The following MSL2 variants were observed in gnomAD, a reference collection of about 807,000 sequenced individuals.
The protein encoded by MSL2 is MSL complex subunit 2, also known as E3 ubiquitin-protein ligase MSL2.
In MSL2, 2 loss-of-function variants were observed where a neutral mutation model predicts 35.8. The ratio of observed to expected loss-of-function variants is 0.06; its 90% CI spans 0.02 to 0.18. The LOEUF (loss-of-function observed/expected upper bound fraction) is 0.18, where lower values mean the gene tolerates loss of function less well. MSL2 is among the 10% of genes least tolerant of loss of function. MSL2 has a pLI of 1.00. For missense variants in MSL2, 523 were observed against 706.7 expected, an observed-to-expected ratio of 0.74 and a Z score of 2.95; for synonymous variants, 296 against 255.7, an observed-to-expected ratio of 1.16 and a Z score of -1.50.
chr3:136,190,165 A>G (rs1940645069), intron 1 of MSL2, among the ~76,000 whole-genome samples: 1 of 152,220 alleles, frequency 6.6e-6, no homozygotes, highest in African/African-American at 2.4e-5. Flanking sequence ...TTGGCCAATA[A>G]TTGTTGGTTT....
chr3:136,161,394 T>C (rs1025331199), intron 1 of MSL2, among the ~76,000 whole-genome samples: 19 of 152,070 alleles, frequency 1.2e-4, no homozygotes, highest in Non-Finnish European at 2.6e-4. Context: ...TAAAAACATA[T>C]CCACACAGAA....
intron 1 of MSL2, among the ~76,000 whole-genome samples, chr3:136,159,060 C>A (rs1461961138): frequency 1.3e-5 from 2 of 152,114 alleles, no homozygotes; most frequent in African/African-American, 4.8e-5. Context: ...ATCTTTAATC[C>A]CAGGCAGCTT....
intron 1 of MSL2, among the ~76,000 whole-genome samples, chr3:136,180,562 C>T (rs1315844897): frequency 2.7e-5 from 4 of 150,774 alleles, no homozygotes; most frequent in East Asian, 2.0e-4. Context: ...TAGCCGGGCA[C>T]GGAGGCTGGC....
intron 1 of MSL2, among the ~76,000 whole-genome samples, chr3:136,181,305 G>A (rs1940354478): frequency 6.6e-6 from 1 of 152,036 alleles, no homozygotes; most frequent in South Asian, 2.1e-4. Context: ...TTGAAACAAT[G>A]AGTAAGAGTT....
intron 1 of MSL2, among the ~76,000 whole-genome samples, chr3:136,173,095 A>T (rs1053328920): frequency 1.2e-4 from 18 of 152,224 alleles, no homozygotes; most frequent in Non-Finnish European, 2.5e-4. Context: ...CCCAGAAAGC[A>T]GAGGTTGCAG....
rs1388515620 is a variant in MSL2 at position 136,154,502 on chromosome 3, A to AGCGTACC, written c.143-1765_143-1764insGGTACGC. On this transcript the variant is annotated intron_variant, in intron 1 of 1. Coordinates refer to ENST00000309993, the MANE Select transcript of MSL2 (RefSeq NM_018133.4). ...AGACAAATGGTCAGCAATTACCCAA[A>AGCGTACC]GCGGTACCTCTTCTCATAAATCACA... Among the ~76,000 whole-genome samples, 175 of 152,328 alleles carry AGCGTACC rather than the reference A, an allele frequency of 1.1e-3. 1 individual carries two copies. Among genetic ancestry groups the AGCGTACC allele is most frequent in the African/African-American group, 4.0e-3 (166 of 41,568 alleles).
chr3:136,188,542 G>A (rs1036618314), intron 1 of MSL2, among the ~76,000 whole-genome samples: 2 of 151,966 alleles, frequency 1.3e-5, no homozygotes. Context: ...CTCAGGCCAG[G>A]AATTCAAGAC....
At position 136,187,414 on chromosome 3, in the gene MSL2, G is replaced by C. The variant is rs112894766; in HGVS notation, c.142+7558C>G. Among the ~76,000 whole-genome samples the C allele has an allele frequency of 8.1e-3, 1,224 of 151,976 alleles. 25 individuals are homozygous for C. Among genetic ancestry groups the C allele is most frequent in the African/African-American group, 0.027 (1,110 of 41,420 alleles). ...GCAGTGGCTCACGCCTGTAATCCTA[G>C]CACTTTGGGAGGTCGAGGTGGGAGG... is the stretch of plus-strand genomic sequence containing the variant. On this transcript the variant is annotated intron_variant, in intron 1 of 1. Coordinates refer to ENST00000309993, the MANE Select transcript of MSL2 (RefSeq NM_018133.4).
rs144888189 is a variant in MSL2, at chr3:136,193,142, T to C, written c.142+1830A>G. On this transcript the variant is annotated intron_variant, in intron 1 of 1. Transcript: ENST00000309993. Reference sequence around the variant, plus strand: ...AAATAAAAAAGGCTCCAGTTGGACTTTTAAATGTAGTGGGTTTTTTTTATC... The same window carrying C: ...AAATAAAAAAGGCTCCAGTTGGACTCTTAAATGTAGTGGGTTTTTTTTATC... Among the ~76,000 whole-genome samples, 943 of 152,322 alleles carry C rather than the reference T, an allele frequency of 6.2e-3. 13 individuals are homozygous for C. The highest frequency in any genetic ancestry group is 0.022 in the African/African-American group (894 of 41,556).
intron 1 of MSL2, among the ~76,000 whole-genome samples, chr3:136,180,447 TAAA>T (rs1270245499): frequency 4.6e-5 from 7 of 151,722 alleles, no homozygotes; most frequent in Non-Finnish European, 7.4e-5. Flanking sequence ...TTATAAAGAA[TAAA>T]AGACACTTTG....
intron 1 of MSL2, among the ~76,000 whole-genome samples, 188 bp downstream of exon 1, chr3:136,194,784 G>A (rs1178450056): frequency 6.6e-6 from 1 of 151,982 alleles, no homozygotes; most frequent in South Asian, 2.1e-4. Context: ...GGTATGAAAG[G>A]GTTCTCTGCC....
intron 1 of MSL2, chr3:136,155,779 G>T (rs1318640778): frequency 1.8e-6 from 1 of 565,808 alleles, no homozygotes; most frequent in Non-Finnish European, 3.5e-6. Context: ...TATGCAAAGA[G>T]AACTGTGGGT....
At chr3:136,154,434 C>T (rs987936350) in intron 1 of MSL2, among the ~76,000 whole-genome samples, 2 of 152,180 alleles carry the variant, frequency 1.3e-5, no homozygotes, top group East Asian at 1.9e-4. Context: ...CCCATCTCCA[C>T]TCTTACTCTC....
At chr3:136,166,015 T>C (rs1353366821) in intron 1 of MSL2, among the ~76,000 whole-genome samples, 1 of 136,690 alleles carries the variant, frequency 7.3e-6, no homozygotes, top group African/African-American at 2.8e-5. Context: ...ATACACCTAC[T>C]ATGTACCCAT....
intron 1 of MSL2, among the ~76,000 whole-genome samples, chr3:136,188,692 C>T (rs1940592102): frequency 6.8e-6 from 1 of 146,952 alleles, no homozygotes; most frequent in East Asian, 2.0e-4. Flanking sequence ...AGCCACTGCA[C>T]TCCAGCCTGG....
intron 1 of MSL2, among the ~76,000 whole-genome samples, chr3:136,170,508 CTTTTTT>C (rs71157363): frequency 1.2e-4 from 10 of 81,616 alleles, no homozygotes; most frequent in Non-Finnish European, 1.8e-4. Flanking sequence ...AAACTCTGTC[CTTTTTT>C]TTTTTTTTTT....
intron 1 of MSL2, chr3:136,153,025 A>G: frequency 1.0e-6 from 1 of 985,360 alleles, no homozygotes; most frequent in African/African-American, 1.7e-5. Context: ...CTTCCTCCAA[A>G]GGCTATAAAG....
intron 1 of MSL2, among the ~76,000 whole-genome samples, chr3:136,156,528 G>GA (rs934746168): frequency 2.0e-5 from 3 of 152,010 alleles, no homozygotes; most frequent in Admixed American, 1.3e-4. Context: ...AGTCTCCTTA[G>GA]AAAAAAAATT....
At chr3:136,188,580 T>A (rs995261430) in intron 1 of MSL2, among the ~76,000 whole-genome samples, 1 of 151,592 alleles carries the variant, frequency 6.6e-6, no homozygotes, top group South Asian at 2.1e-4. Context: ...CAAAACCCCA[T>A]CTCTACAAAA....
Sources: allele counts gnomAD v4.1 joint callset (sites outside exome capture counted in the v4.1 genomes callset), GRCh38; gene constraint gnomAD v4.1.1; transcripts MANE v1.5; gene names NCBI Gene and HGNC (gene_info 2026-07-23, HGNC 2026-07-21).